Variants in ZHX2 observed in about 807,000 individuals in gnomAD.
The protein encoded by ZHX2 is zinc fingers and homeoboxes protein 2.
Under a neutral mutation model 21.9 loss-of-function variants are expected in ZHX2, and 6 were observed. The ratio of observed to expected loss-of-function variants is 0.27; its 90% CI spans 0.15 to 0.54. The LOEUF (loss-of-function observed/expected upper bound fraction) is 0.54, where lower values mean the gene tolerates loss of function less well. Among genes scored for constraint, ZHX2 ranks in the 20% least tolerant of loss-of-function variants. The pLI, the probability that ZHX2 is intolerant of heterozygous loss-of-function variation, is 0.95. For synonymous variants in ZHX2, 434 were observed against 437.1 expected (o/e 0.99, Z 0.09); for missense variants, 908 against 1,090.7 (o/e 0.83, Z 2.36).
intron 2 of ZHX2, among the ~76,000 whole-genome samples, chr8:122,889,180 A>G (rs1158507437): frequency 1.3e-5 from 2 of 152,214 alleles, no homozygotes; most frequent in Non-Finnish European, 2.9e-5. Context: ...TAGTGCTGCA[A>G]TAAACATGGG....
rs368167604 is a variant in ZHX2, at chr8:122,929,183, A to G, written c.-219-22109A>G. Among the ~76,000 whole-genome samples the G allele has an allele frequency of 4.1e-4, 62 of 152,326 alleles. No homozygotes were observed. In the South Asian group the frequency reaches 7.3e-3, roughly 18 times the overall value. ...TTTCTAACACCACCCGTGTAACACCAGGCGCACTTACTTTTTCATTTCTTT... is the reference window on the plus strand; with the variant it reads ...TTTCTAACACCACCCGTGTAACACCGGGCGCACTTACTTTTTCATTTCTTT... On this transcript the variant is annotated intron_variant, in intron 2 of 3. Coordinates refer to ENST00000314393, the MANE Select transcript of ZHX2 (RefSeq NM_014943.5).
At chr8:122,903,322 A>G (rs1820272681) in intron 2 of ZHX2, among the ~76,000 whole-genome samples, 1 of 152,210 alleles carries the variant, frequency 6.6e-6, no homozygotes, top group African/African-American at 2.4e-5. Context: ...TTTCCAAAAG[A>G]GTATTTATCA....
chr8:122,969,835 G>A (rs1413064289), intron 3 of ZHX2, among the ~76,000 whole-genome samples: 3 of 152,196 alleles, frequency 2.0e-5, no homozygotes, highest in Non-Finnish European at 4.4e-5. Flanking sequence ...CCTAGAGAAA[G>A]TTCTCCTGGG....
Position 122,783,897 on chromosome 8 carries a change from A to G in ZHX2, c.-283+1951A>G, listed in dbSNP as rs577712751. ...ATAATTGGACTGGTGATGTGTGGAA[A>G]TATCATCGCTGTTTAAATGCTCTGC... On this transcript the variant is annotated intron_variant, in intron 1 of 3. Transcript: ENST00000314393. Among the ~76,000 whole-genome samples the G allele has an allele frequency of 2.0e-5, 3 of 152,348 alleles. No homozygotes were observed. The South Asian group carries it at 6.2e-4, about 32-fold the overall frequency.
At chr8:122,841,774 G>A (rs1818635001) in intron 1 of ZHX2, among the ~76,000 whole-genome samples, 1 of 152,182 alleles carries the variant, frequency 6.6e-6, no homozygotes, top group Non-Finnish European at 1.5e-5. Context: ...CTTCATGTAT[G>A]TGATTGTATT....
In ZHX2 at chr8:122,782,242, CGAG is replaced by C. The variant is rs779296945; in HGVS notation, c.-283+317_-283+319del. 2.0e-4 allele frequency among the ~76,000 whole-genome samples: 30 copies of C among 150,236 alleles called. No individual in the cohort carries two copies. Among genetic ancestry groups the C allele is most frequent in the South Asian group, 2.1e-4 (1 of 4,760 alleles). On this transcript the variant is annotated intron_variant, in intron 1 of 3. Coordinates refer to ENST00000314393, the MANE Select transcript of ZHX2 (RefSeq NM_014943.5). This position sits in a 1 kb window ranked among gnomAD's most constrained non-coding sequence, Gnocchi z 5.3. ...AAGTTTGGATAAATGGGAGCCAGAGCGAGGAGGAGGAGGAGGAGGAGGAAAAAC... is the reference window on the plus strand; with the variant it reads ...AAGTTTGGATAAATGGGAGCCAGAGCGAGGAGGAGGAGGAGGAGGAAAAAC...
chr8:122,952,400 C>T lies in ZHX2; in HGVS notation c.890C>T (p.Ala297Val), dbSNP rs1813144844. The change falls in exon 3 of 4, where the codon GCT (alanine) becomes GTT (valine). Residue 297 changes from alanine (A) to valine (V), a missense_variant. Ala to Val is a moderately conservative substitution (Grantham distance 64, BLOSUM62 0). Coordinates refer to ENST00000314393, the MANE Select transcript of ZHX2 (RefSeq NM_014943.5). The surrounding 1 kb of genome is among the most constrained non-coding windows in gnomAD (Gnocchi z 6.9). ...PTQAELSWLT[A>V]ASKHPEEHIR... is the part of the protein sequence containing the mutation. ...CAGGCTGAGTTGTCCTGGCTGACAG[C>T]TGCCTCCAAACACCCAGAGGAGCAC... 1.2e-6 allele frequency: 2 copies of T among 1,614,200 alleles called. No individual in the cohort carries two copies. The highest frequency in any genetic ancestry group is 1.7e-5 in the Admixed American group (1 of 60,018).
chr8:122,951,652 G>A lies in ZHX2; in HGVS notation c.142G>A (p.Ala48Thr), dbSNP rs1363959606. The A allele has an allele frequency of 6.2e-7, 1 of 1,614,012 alleles. No individual in the cohort carries two copies. The highest frequency in any genetic ancestry group is 1.1e-5 in the South Asian group (1 of 91,040). Residue 48 changes from alanine (A) to threonine (T), a missense_variant, in exon 3 of 4, where the codon GCA becomes ACA. Physicochemically the swap from Ala to Thr is moderately conservative, Grantham distance 58 (BLOSUM62 0). Transcript: ENST00000314393. ...GCCTGACGTGGCCAAGGACAGTTGG[G>A]CAGCAGAACTTGAAAACTCTTCCAA... is the stretch of plus-strand genomic sequence containing the variant. ...PQPDVAKDSW[A>T]AELENSSKEN... is the part of the protein sequence containing the mutation.
intron 1 of ZHX2, among the ~76,000 whole-genome samples, chr8:122,836,658 C>T (rs2130695989): frequency 6.6e-6 from 1 of 152,352 alleles, no homozygotes; most frequent in Middle Eastern, 3.4e-3. Flanking sequence ...TCTGACGTAA[C>T]TGCTACGTTG....
At chr8:122,922,957 C>T (rs1415453627) in intron 2 of ZHX2, among the ~76,000 whole-genome samples, 1 of 152,208 alleles carries the variant, frequency 6.6e-6, no homozygotes, top group East Asian at 1.9e-4. Flanking sequence ...GGGGGCAGTT[C>T]AGCCTCTGTC....
intron 2 of ZHX2, among the ~76,000 whole-genome samples, chr8:122,893,128 T>C (rs1430631983): frequency 6.6e-6 from 1 of 152,242 alleles, no homozygotes; most frequent in African/African-American, 2.4e-5. Context: ...GTTTTGTTTT[T>C]TTTCTTTCAG....
chr8:122,860,092 A>C (rs1819125162), intron 1 of ZHX2, among the ~76,000 whole-genome samples: 1 of 152,202 alleles, frequency 6.6e-6, no homozygotes, highest in Non-Finnish European at 1.5e-5. Flanking sequence ...GGAAATTTAC[A>C]ATCATGGTGG....
chr8:122,806,363 CAAG>C (rs1381394934), intron 1 of ZHX2, among the ~76,000 whole-genome samples: 2 of 152,100 alleles, frequency 1.3e-5, no homozygotes, highest in Non-Finnish European at 2.9e-5. Context: ...ACTAGAAAAG[CAAG>C]AAGAAACCTG....
chr8:122,880,858 T>C (rs982993508), intron 2 of ZHX2, among the ~76,000 whole-genome samples: 1 of 151,598 alleles, frequency 6.6e-6, no homozygotes, highest in African/African-American at 2.4e-5. Flanking sequence ...ACCCTGGACA[T>C]TACCCTAAAG....
chr8:122,866,866 C>T (rs887856441), intron 2 of ZHX2, among the ~76,000 whole-genome samples: 12 of 152,238 alleles, frequency 7.9e-5, no homozygotes, highest in African/African-American at 2.9e-4. Flanking sequence ...GCTCTGCCAC[C>T]CAGGCTGGAG....
At chr8:122,964,458 A>G (rs1446355701) in intron 3 of ZHX2, among the ~76,000 whole-genome samples, 6 of 151,932 alleles carry the variant, frequency 3.9e-5, no homozygotes, top group Non-Finnish European at 8.8e-5. Flanking sequence ...TGACTTGTGT[A>G]TGTTAAACCA....
intron 3 of ZHX2, among the ~76,000 whole-genome samples, chr8:122,967,765 G>A (rs1342011399): frequency 1.3e-5 from 2 of 152,200 alleles, no homozygotes; most frequent in Non-Finnish European, 2.9e-5. Context: ...GGCTTGAGTT[G>A]GTTGGCCTCC....
intron 2 of ZHX2, among the ~76,000 whole-genome samples, chr8:122,916,801 C>T (rs1380739718): frequency 6.6e-6 from 1 of 152,154 alleles, no homozygotes; most frequent in Non-Finnish European, 1.5e-5. Flanking sequence ...CTAACATCCA[C>T]ATCCCTTCCA....
intron 2 of ZHX2, among the ~76,000 whole-genome samples, chr8:122,944,662 C>T (rs1177395630): frequency 2.0e-5 from 3 of 152,180 alleles, no homozygotes; most frequent in Non-Finnish European, 1.5e-5. Flanking sequence ...GCTGTATCTT[C>T]GGCAACTAGA....
Sources: allele counts gnomAD v4.1 joint callset (sites outside exome capture counted in the v4.1 genomes callset), GRCh38; gene constraint gnomAD v4.1.1; non-coding constraint Gnocchi (gnomAD v3.1); transcripts MANE v1.5; gene names NCBI Gene and HGNC (gene_info 2026-07-23, HGNC 2026-07-21).